The following ZDHHC2 variants were observed in gnomAD, a reference collection of about 807,000 sequenced individuals.
The protein encoded by ZDHHC2 is zDHHC palmitoyltransferase 2.
ZDHHC2 carries 51 observed loss-of-function variants against 55.6 expected under a neutral mutation model. The observed-to-expected ratio is 0.92, with a 90% confidence interval of 0.73 to 1.16. The LOEUF is 1.16. Ranked by LOEUF, ZDHHC2 falls within the 50% of genes most tolerant of loss-of-function variation. ZDHHC2 has a pLI of 0.00. For missense variants in ZDHHC2, 491 were observed against 442.4 expected (o/e 1.11, Z -0.99); for synonymous variants, 199 against 152.9 (o/e 1.30, Z -2.22).
chr8:17,210,384 C>G lies in ZDHHC2; in HGVS notation c.858-4C>G, dbSNP rs1563168639. ...TCAGTTCTAAATTTTTATTTTAATT[C>G]TAGTCTAGGTGATGGCTGCTCCTTT... On this transcript the variant is annotated splice_polypyrimidine_tract_variant and splice_region_variant and intron_variant, in intron 9 of 12. Transcript: ENST00000262096. 1 of 1,609,752 alleles carries G rather than the reference C, an allele frequency of 6.2e-7. No homozygotes were observed. Among genetic ancestry groups the G allele is most frequent in the Non-Finnish European group, 8.5e-7 (1 of 1,178,518 alleles).
intron 12 of ZDHHC2, among the ~76,000 whole-genome samples, chr8:17,218,975 G>A (rs898031797): frequency 6.6e-6 from 1 of 151,846 alleles, no homozygotes; most frequent in Non-Finnish European, 1.5e-5. Flanking sequence ...TATTGGCCGG[G>A]CGCGGTGGCT....
rs33942303 is a variant in ZDHHC2, at chr8:17,189,127, G to GT, written c.252+2721dup. On this transcript the variant is annotated intron_variant, in intron 3 of 12. Transcript: ENST00000262096. ...GTTTTTTTTTTTGGTGTTTTGTTAT[G>GT]TTTTTTTTTTTTTTTTTTTGGCCTC... Among the ~76,000 whole-genome samples, 529 of 83,748 alleles carry GT rather than the reference G, an allele frequency of 6.3e-3. 13 individuals are homozygous for GT. Among genetic ancestry groups the GT allele is most frequent in the African/African-American group, 0.016 (340 of 21,244 alleles). The allele number at this position is 83,748 out of a possible 152,430, so 54.9% of individuals were successfully genotyped here.
intron 1 of ZDHHC2, among the ~76,000 whole-genome samples, chr8:17,161,871 A>T (rs562949853): frequency 6.6e-6 from 1 of 152,346 alleles, no homozygotes; most frequent in African/African-American, 2.4e-5. Flanking sequence ...AAAAAAATAA[A>T]AAATAAAAAA....
rs1299146461 is a variant in ZDHHC2, at chr8:17,156,846, G to T, written c.123G>T (p.Leu41=). Residue 41 remains leucine (L), a synonymous_variant, in exon 1 of 13, where the codon CTG becomes CTT. Transcript: ENST00000262096. ...GWSYYAYAIQ[L]CIVSMENTGE... ...CCTACTACGCCTACGCCATCCAGCT[G>T]TGCATAGGTGAGTGCGCCCCCCGCC... 6 of 1,501,658 alleles carry T rather than the reference G, an allele frequency of 4.0e-6. No individual in the cohort carries two copies. Among genetic ancestry groups the T allele is most frequent in the Non-Finnish European group, 5.3e-6 (6 of 1,124,038 alleles). 93.0% of individuals were successfully genotyped at this position (1,501,658 alleles called of 1,614,324 possible).
chr8:17,186,335 G>A lies in ZDHHC2; in HGVS notation c.162G>A (p.Val54=). The part of the protein sequence containing the change: ...VSMENTGEQV[V]CLMAYHLLFA... ...ATTATGTTTTTCTCATTTTAGTTGT[G>A]TGCCTGATGGCCTATCATCTACTTT... is the stretch of plus-strand genomic sequence containing the variant. The change falls in exon 3 of 13, where the codon GTG becomes GTA. Residue 54 remains valine, a synonymous_variant. Transcript: ENST00000262096. 6.3e-7 allele frequency: 1 copy of A among 1,590,562 alleles called. No individual in the cohort carries two copies. Among genetic ancestry groups the A allele is most frequent in the Non-Finnish European group, 8.6e-7 (1 of 1,168,668 alleles).
At chr8:17,214,778 G>A (rs1441271491) in intron 10 of ZDHHC2, among the ~76,000 whole-genome samples, 2 of 151,984 alleles carry the variant, frequency 1.3e-5, no homozygotes, top group Non-Finnish European at 2.9e-5. Context: ...GAGGGTGGTG[G>A]TGTGGTCCCA....
chr8:17,203,065 T>TTTC (rs1041232774), intron 6 of ZDHHC2, among the ~76,000 whole-genome samples: 1 of 147,548 alleles, frequency 6.8e-6, no homozygotes, highest in Admixed American at 6.8e-5. Flanking sequence ...TCCAAAGTCT[T>TTTC]TTTTTTTTTT....
rs886070307 is a variant in ZDHHC2, at chr8:17,156,575, G to A, written c.-149G>A. ...CGCCGGCTCGGGGCTGCGGGATGGG[G>A]AGTTAGCGCCACGGCGGCGGCAGTG... On this transcript the variant is annotated 5_prime_UTR_variant, in exon 1 of 13. Coordinates refer to ENST00000262096, the MANE Select transcript of ZDHHC2 (RefSeq NM_016353.5). 2.7e-5 allele frequency: 12 copies of A among 445,858 alleles called. No homozygotes were observed. Among genetic ancestry groups the A allele is most frequent in the African/African-American group, 2.6e-4 (12 of 46,676 alleles). The allele number at this position is 445,858 out of a possible 1,614,324, so 27.6% of individuals were successfully genotyped here. A position where few individuals can be genotyped will look rare whatever the true frequency, so the allele number is the denominator to read the frequency against.
Position 17,182,478 on chromosome 8 carries a change from T to A in ZDHHC2, c.131-2311T>A, listed in dbSNP as rs574025842. The stretch of plus-strand genomic sequence containing the variant: ...CAGGAAATTGAACCGGCTCATAATC[T>A]TGGCGAAAGTGTAATTGGATACAGC... On this transcript the variant is annotated intron_variant, in intron 1 of 12. Coordinates refer to ENST00000262096, the MANE Select transcript of ZDHHC2 (RefSeq NM_016353.5). Among the ~76,000 whole-genome samples the A allele has an allele frequency of 1.8e-3, 274 of 152,298 alleles. 2 individuals carry two copies. The highest frequency in any genetic ancestry group is 0.015 in the South Asian group (71 of 4,828).
chr8:17,160,776 C>T (rs950642351), intron 1 of ZDHHC2, among the ~76,000 whole-genome samples: 3 of 152,206 alleles, frequency 2.0e-5, no homozygotes, highest in Non-Finnish European at 4.4e-5. Flanking sequence ...GCTTTGCAAG[C>T]CGTGTGATCT....
chr8:17,209,253 C>T (rs1218261813), intron 8 of ZDHHC2, among the ~76,000 whole-genome samples: 2 of 152,056 alleles, frequency 1.3e-5, no homozygotes, highest in South Asian at 2.1e-4. Flanking sequence ...GACTGGATCC[C>T]GGTTTGGACA....
intron 11 of ZDHHC2, among the ~76,000 whole-genome samples, 155 bp downstream of exon 11, chr8:17,215,504 T>C (rs1018831270): frequency 1.3e-5 from 2 of 152,214 alleles, no homozygotes; most frequent in African/African-American, 4.8e-5. Flanking sequence ...GAACTATTTA[T>C]GAGGTTCGTT....
chr8:17,193,114 G>A (rs1481327053), intron 3 of ZDHHC2, among the ~76,000 whole-genome samples: 1 of 152,154 alleles, frequency 6.6e-6, no homozygotes, highest in Non-Finnish European at 1.5e-5. Context: ...TTCCAGTTTT[G>A]TTCTTTTTAC....
chr8:17,180,667 A>G (rs1271769414), intron 1 of ZDHHC2, among the ~76,000 whole-genome samples: 1 of 152,176 alleles, frequency 6.6e-6, no homozygotes, highest in Admixed American at 6.5e-5. Context: ...TACAGCCCTA[A>G]TGCTACTGCT....
chr8:17,163,620 G>T (rs1804462854), intron 1 of ZDHHC2, among the ~76,000 whole-genome samples: 1 of 152,094 alleles, frequency 6.6e-6, no homozygotes, highest in Non-Finnish European at 1.5e-5. Flanking sequence ...CGTTTTGACA[G>T]TTGTATCATA....
chr8:17,218,574 C>G (rs1375777269), intron 12 of ZDHHC2, among the ~76,000 whole-genome samples: 4 of 151,996 alleles, frequency 2.6e-5, no homozygotes, highest in African/African-American at 9.7e-5. Flanking sequence ...ATCTCCAACA[C>G]CTTGCACAAT....
chr8:17,188,521 T>G (rs1449504741), intron 3 of ZDHHC2, among the ~76,000 whole-genome samples: 3 of 152,208 alleles, frequency 2.0e-5, no homozygotes, highest in Non-Finnish European at 2.9e-5. Context: ...TATTTTCCAT[T>G]CATACTGGCA....
chr8:17,162,096 G>T (rs1345696170), intron 1 of ZDHHC2, among the ~76,000 whole-genome samples: 1 of 152,214 alleles, frequency 6.6e-6, no homozygotes, highest in Non-Finnish European at 1.5e-5. Flanking sequence ...AAGTCGGAAA[G>T]GGGAGTAAGA....
chr8:17,217,334 A>C lies in ZDHHC2; in HGVS notation c.*34+88A>C, dbSNP rs934438348. ...ATAGTTTCCATAAACATTTTTAATA[A>C]TTTGTGAGTGATTCATATAGAAGAT... On this transcript the variant is annotated intron_variant, in intron 12 of 12. Transcript: ENST00000262096. The C allele has an allele frequency of 4.1e-6, 4 of 964,654 alleles. No homozygotes were observed. The African/African-American group carries it at 5.0e-5, about 12-fold the overall frequency. 59.8% of individuals were successfully genotyped at this position (964,654 alleles called of 1,614,324 possible). A position where few individuals can be genotyped will look rare whatever the true frequency, so the allele number is the denominator to read the frequency against.
Sources: allele counts gnomAD v4.1 joint callset (sites outside exome capture counted in the v4.1 genomes callset), GRCh38; gene constraint gnomAD v4.1.1; transcripts MANE v1.5; gene names NCBI Gene and HGNC (gene_info 2026-07-23, HGNC 2026-07-21).